Variants in TENM4 observed in about 807,000 individuals in gnomAD.
The protein encoded by TENM4 is teneurin transmembrane protein 4, also known as teneurin-4.
In TENM4, 82 loss-of-function variants were observed where a neutral mutation model predicts 243.3. The ratio of observed to expected loss-of-function variants is 0.34; its 90% CI spans 0.28 to 0.40. TENM4 has a LOEUF of 0.40. TENM4 is among the 10% of genes least tolerant of loss of function. The pLI, the probability that TENM4 is intolerant of heterozygous loss-of-function variation, is 1.00. For missense variants in TENM4, 3,138 were observed against 3,673.3 expected (o/e 0.85, Z 3.77); for synonymous variants, 1,412 against 1,456.3 (o/e 0.97, Z 0.69).
At chr11:78,760,309 T>C (rs1856401010) in intron 18 of TENM4, among the ~76,000 whole-genome samples, 1 of 152,230 alleles carries the variant, frequency 6.6e-6, no homozygotes, top group South Asian at 2.1e-4. Flanking sequence ...CATATGGTGC[T>C]TAAGAGAGCC....
At chr11:79,178,987 A>C (rs1430617720) in intron 3 of TENM4, among the ~76,000 whole-genome samples, 1 of 152,238 alleles carries the variant, frequency 6.6e-6, no homozygotes, top group East Asian at 1.9e-4. Flanking sequence ...AAAGTCAGTG[A>C]GGGCTGCCCT....
intron 18 of TENM4, among the ~76,000 whole-genome samples, chr11:78,759,771 C>T (rs754949882): frequency 3.9e-5 from 6 of 152,188 alleles, no homozygotes; most frequent in Non-Finnish European, 7.3e-5. Context: ...TATGAAGTAG[C>T]CACTGTTGTC....
intron 17 of TENM4, among the ~76,000 whole-genome samples, chr11:78,771,998 C>T (rs1352069726): frequency 6.6e-6 from 1 of 152,112 alleles, no homozygotes; most frequent in African/African-American, 2.4e-5. Flanking sequence ...TCAAAGGAGA[C>T]AAATTTATGT....
intron 6 of TENM4, among the ~76,000 whole-genome samples, chr11:78,913,007 C>T (rs1050467041): frequency 6.6e-6 from 1 of 152,202 alleles, no homozygotes; most frequent in African/African-American, 2.4e-5. Context: ...AATTGACAAA[C>T]AGAAAAGGAG....
chr11:79,326,183 C>T (rs1469221814), intron 1 of TENM4, among the ~76,000 whole-genome samples: 1 of 152,176 alleles, frequency 6.6e-6, no homozygotes, highest in Non-Finnish European at 1.5e-5. Context: ...CCCTCTTGGG[C>T]CCCCCGCGGC....
At chr11:78,755,876 C>T (rs916531644) in intron 19 of TENM4, among the ~76,000 whole-genome samples, 9 of 152,142 alleles carry the variant, frequency 5.9e-5, no homozygotes, top group East Asian at 3.9e-4. Flanking sequence ...ACGAGGTGCA[C>T]GGTGACTGCT....
intron 6 of TENM4, among the ~76,000 whole-genome samples, chr11:79,002,224 T>G (rs2136707460): frequency 6.6e-6 from 1 of 152,342 alleles, no homozygotes; most frequent in South Asian, 2.1e-4. Context: ...GCTTTGTGCC[T>G]GCCAGCACCT....
chr11:79,261,616 G>T (rs1042987277), intron 2 of TENM4, among the ~76,000 whole-genome samples: 3 of 152,178 alleles, frequency 2.0e-5, no homozygotes, highest in African/African-American at 4.8e-5. Context: ...GGGTCTGGAG[G>T]CTGGGCTGGG....
At chr11:79,292,896 G>A (rs1397307063) in intron 2 of TENM4, among the ~76,000 whole-genome samples, 1 of 152,310 alleles carries the variant, frequency 6.6e-6, no homozygotes. Flanking sequence ...AAATAGCCAT[G>A]TAGCCATTTT....
At chr11:78,782,580 A>T (rs527893054) in intron 16 of TENM4, among the ~76,000 whole-genome samples, 3 of 152,174 alleles carry the variant, frequency 2.0e-5, no homozygotes, top group Non-Finnish European at 2.9e-5. Flanking sequence ...ATGGGCAACA[A>T]GAGTGAAACT....
chr11:79,005,830 C>T lies in TENM4; in HGVS notation c.493+58908G>A, dbSNP rs946151643. 2.6e-5 allele frequency among the ~76,000 whole-genome samples: 4 copies of T among 152,118 alleles called. No individual in the cohort carries two copies. The South Asian group carries it at 6.2e-4, about 24-fold the overall frequency. ...ATCCTTGTTTTCAGATAATATGATT[C>T]TATACCTAGAAAACTCCACAGTTTC... is the stretch of plus-strand genomic sequence containing the variant. On this transcript the variant is annotated intron_variant, in intron 6 of 33. Transcript: ENST00000278550.
chr11:78,702,337 T>C lies in TENM4; in HGVS notation c.4276A>G (p.Asn1426Asp). 1 of 1,614,026 alleles carries C rather than the reference T, an allele frequency of 6.2e-7. No individual in the cohort carries two copies. The highest frequency in any genetic ancestry group is 8.5e-7 in the Non-Finnish European group (1 of 1,179,886). Residue 1426 changes from asparagine to aspartate, a missense_variant, in exon 28 of 34, where the codon AAC becomes GAC. Transcript: ENST00000278550. ...PMDNSLYVLD[N>D]NVVLQISENH... Reference sequence around the variant, plus strand: ...TCAGAGATTTGCAGGACCACATTGTTGTCGAGGACATAAAGTGAGTTGTCC... The same window carrying C: ...TCAGAGATTTGCAGGACCACATTGTCGTCGAGGACATAAAGTGAGTTGTCC...
intron 6 of TENM4, among the ~76,000 whole-genome samples, chr11:78,964,860 A>C (rs1176176737): frequency 6.6e-6 from 1 of 151,962 alleles, no homozygotes; most frequent in African/African-American, 2.4e-5. Context: ...AAATACTTCC[A>C]GCTCCTCATT....
At chr11:79,207,336 G>A (rs1863868224) in intron 3 of TENM4, among the ~76,000 whole-genome samples, 1 of 152,210 alleles carries the variant, frequency 6.6e-6, no homozygotes, top group Non-Finnish European at 1.5e-5. Context: ...GAGTGAGAGT[G>A]TTAACCATGT....
rs944827246 is a variant in TENM4 at position 78,949,375 on chromosome 11, G to A, written c.494-45852C>T. Among the ~76,000 whole-genome samples, 5 of 152,202 alleles carry A rather than the reference G, an allele frequency of 3.3e-5. No individual in the cohort carries two copies. The East Asian group carries it at 7.7e-4, about 23-fold the overall frequency. On this transcript the variant is annotated intron_variant, in intron 6 of 33. Transcript: ENST00000278550. ...CAGTAGGTGTGCTAGAAATCTTTGTGTAATGAATAAATGAATACATACATT... is the reference window on the plus strand; with the variant it reads ...CAGTAGGTGTGCTAGAAATCTTTGTATAATGAATAAATGAATACATACATT...
At chr11:78,750,795 C>T (rs895096396) in intron 19 of TENM4, among the ~76,000 whole-genome samples, 1 of 152,040 alleles carries the variant, frequency 6.6e-6, no homozygotes, top group Admixed American at 6.5e-5. Context: ...GAGATATCTT[C>T]TTATTCCACA....
intron 1 of TENM4, among the ~76,000 whole-genome samples, chr11:79,331,132 T>C (rs950110334): frequency 3.9e-5 from 6 of 152,042 alleles, no homozygotes; most frequent in African/African-American, 1.4e-4. Flanking sequence ...GACGGAGGCA[T>C]GGCTGCCTTG....
At chr11:78,919,128 A>G (rs1216195895) in intron 6 of TENM4, among the ~76,000 whole-genome samples, 4 of 152,248 alleles carry the variant, frequency 2.6e-5, no homozygotes, top group South Asian at 2.1e-4. Flanking sequence ...CACTATGTCT[A>G]CAGTCCTAAT....
intron 1 of TENM4, among the ~76,000 whole-genome samples, chr11:79,408,178 A>G (rs1458309993): frequency 6.6e-6 from 1 of 152,230 alleles, no homozygotes; most frequent in Non-Finnish European, 1.5e-5. Flanking sequence ...TGCCAGGATT[A>G]CAGGTGTAAG....
Sources: allele counts gnomAD v4.1 joint callset (sites outside exome capture counted in the v4.1 genomes callset), GRCh38; gene constraint gnomAD v4.1.1; transcripts MANE v1.5; gene names NCBI Gene and HGNC (gene_info 2026-07-23, HGNC 2026-07-21).